IFI16: variants seen among roughly 807,000 people sequenced by gnomAD.
The protein encoded by IFI16 is gamma-interferon-inducible protein 16.
Under a neutral mutation model 68.4 loss-of-function variants are expected in IFI16, and 49 were observed. The observed-to-expected ratio is 0.72, with a 90% confidence interval of 0.57 to 0.91. IFI16 has a LOEUF of 0.91. Ranked by LOEUF, IFI16 falls within the 40% of genes least tolerant of loss-of-function variation. IFI16 has a pLI of 0.00. For synonymous variants in IFI16, 307 were observed against 315.0 expected (o/e 0.97, Z 0.27); for missense variants, 878 against 942.9 (o/e 0.93, Z 0.90).
At chr1:159,022,045 G>A (rs1653362923) in intron 6 of IFI16, among the ~76,000 whole-genome samples, 1 of 136,994 alleles carries the variant, frequency 7.3e-6, no homozygotes, top group Non-Finnish European at 1.5e-5. Context: ...CTTACTGCAA[G>A]CTCCGCCTCC....
At chr1:159,007,916 G>A (rs1371483237), upstream of IFI16, among the ~76,000 whole-genome samples, 1 of 152,194 alleles carries the variant, frequency 6.6e-6, no homozygotes, top group Admixed American at 6.5e-5. Flanking sequence ...AGTGAACAAT[G>A]CATATGCCAC....
rs75193704 is a variant in IFI16, at chr1:159,029,865, A to G, written c.1162-2659A>G. ...CCAGCTAATTTTTTGTATTTTTAGT[A>G]GAGCCAGGGTTTCACTATGTTGGCC... On this transcript the variant is annotated intron_variant, in intron 6 of 11. Coordinates refer to ENST00000295809, the MANE Select transcript of IFI16 (RefSeq NM_001376587.1). 4.9e-4 allele frequency among the ~76,000 whole-genome samples: 75 copies of G among 152,138 alleles called. 1 individual carries two copies. In the East Asian group the frequency reaches 0.014, roughly 29 times the overall value.
intron 7 of IFI16, among the ~76,000 whole-genome samples, chr1:159,040,354 T>A (rs1388726699): frequency 2.0e-5 from 3 of 152,226 alleles, no homozygotes; most frequent in African/African-American, 4.8e-5. Context: ...TTTAGAGCTA[T>A]TCATCATGAT....
rs1172481404 is a variant in IFI16 at position 159,020,398 on chromosome 1, G to T, written c.1030G>T (p.Asp344Tyr). The change falls in exon 6 of 12, where the codon GAT becomes TAT. Residue 344 changes from aspartate (D) to tyrosine (Y), a missense_variant. Asp to Tyr is a radical substitution (Grantham distance 160). This residue lies in a region of IFI16 where 443 missense variants were observed against 421.8 expected (regional missense o/e 1.05). Coordinates refer to ENST00000295809, the MANE Select transcript of IFI16 (RefSeq NM_001376587.1). Reference sequence around the variant, plus strand: ...AATTCAGGATGATAGAGGAAAAATGGATGTAGTGGGGACAGGACAATGTCA... The same window carrying T: ...AATTCAGGATGATAGAGGAAAAATGTATGTAGTGGGGACAGGACAATGTCA... ...YEIQDDRGKM[D>Y]VVGTGQCHNI... 1 of 1,612,842 alleles carries T rather than the reference G, an allele frequency of 6.2e-7. No homozygotes were observed. Among genetic ancestry groups the T allele is most frequent in the African/African-American group, 1.3e-5 (1 of 74,846 alleles).
chr1:159,011,589 AAAT>A (rs1426256496), intron 1 of IFI16, among the ~76,000 whole-genome samples: 8 of 152,090 alleles, frequency 5.3e-5, no homozygotes, highest in African/African-American at 1.9e-4. Flanking sequence ...AAGCACTATA[AAAT>A]AATAAATAAT....
chr1:159,022,155 G>A (rs983975987), intron 6 of IFI16, among the ~76,000 whole-genome samples: 10 of 151,952 alleles, frequency 6.6e-5, no homozygotes, highest in Admixed American at 1.3e-4. Context: ...TAGTAGAGAC[G>A]GGGTTTCACC....
rs752853831 is a variant in IFI16 at position 159,051,797 on chromosome 1, A to C, written c.1784A>C (p.Glu595Ala). ...ATESFVYEPK[E>A]QKKMFHATVA... ...GAATCATTTGTATATGAGCCCAAAG[A>C]GCAGAAGAAAATGTTTCATGCCACA... The change falls in exon 10 of 12, where the codon GAG becomes GCG. Residue 595 changes from glutamate to alanine, a missense_variant. Physicochemically the swap from Glu to Ala is moderately radical, Grantham distance 107. Transcript: ENST00000295809. 6.2e-7 allele frequency: 1 copy of C among 1,614,120 alleles called. No individual in the cohort carries two copies. Among genetic ancestry groups the C allele is most frequent in the East Asian group, 2.2e-5 (1 of 44,884 alleles).
upstream of IFI16, among the ~76,000 whole-genome samples, chr1:159,007,630 C>G (rs115412498): frequency 9.0e-3 from 1,367 of 152,044 alleles, 11 homozygotes; most frequent in Non-Finnish European, 0.015. Flanking sequence ...GAAAACGAGG[C>G]CTTTGGTGGG....
At chr1:159,023,052 TATAAC>T (rs1653434245) in intron 6 of IFI16, among the ~76,000 whole-genome samples, 1 of 152,166 alleles carries the variant, frequency 6.6e-6, no homozygotes, top group Non-Finnish European at 1.5e-5. Flanking sequence ...CAGGGAATAA[TATAAC>T]AGCCTACAAG....
At chr1:159,016,721 T>A in intron 4 of IFI16, 21 bp downstream of exon 4, 1 of 1,591,024 alleles carries the variant, frequency 6.3e-7, no homozygotes, top group Non-Finnish European at 8.6e-7. Context: ...CCTGGTCCCA[T>A]TTTGCTTTGT....
At chr1:159,028,451 A>G (rs1339517046) in intron 6 of IFI16, among the ~76,000 whole-genome samples, 1 of 151,854 alleles carries the variant, frequency 6.6e-6, no homozygotes, top group Non-Finnish European at 1.5e-5. Context: ...TATCTTGGAG[A>G]ATGTTCCATG....
intron 8 of IFI16, among the ~76,000 whole-genome samples, 155 bp downstream of exon 8, chr1:159,045,619 C>T (rs1321915699): frequency 6.6e-6 from 1 of 151,342 alleles, no homozygotes; most frequent in Non-Finnish European, 1.5e-5. Context: ...TTTTGAGGTC[C>T]TATCCAAAAT....
intron 7 of IFI16, among the ~76,000 whole-genome samples, chr1:159,038,772 G>C (rs995500680): frequency 6.6e-6 from 1 of 152,156 alleles, no homozygotes; most frequent in Non-Finnish European, 1.5e-5. Context: ...ACAGGTGCTG[G>C]GAATGCCCTA....
chr1:159,041,596 A>G (rs1654646214), intron 7 of IFI16, among the ~76,000 whole-genome samples: 1 of 152,186 alleles, frequency 6.6e-6, no homozygotes, highest in South Asian at 2.1e-4. Flanking sequence ...ATCACCAGGA[A>G]GAGTTATCTA....
intron 6 of IFI16, among the ~76,000 whole-genome samples, chr1:159,029,687 T>G (rs1653884093): frequency 1.3e-5 from 2 of 151,676 alleles, no homozygotes; most frequent in Admixed American, 6.6e-5. Flanking sequence ...CAGTTTTTTT[T>G]TTTTTTTTTT....
At chr1:159,011,605 CATTAGATAA>C (rs1281177096) in intron 1 of IFI16, among the ~76,000 whole-genome samples, 38 of 151,642 alleles carry the variant, frequency 2.5e-4, no homozygotes, top group Admixed American at 2.5e-3. Flanking sequence ...TAAATAATAT[CATTAGATAA>C]ATTAGATAAA....
rs368727269 is a variant in IFI16, at chr1:159,016,705, A to G, written c.549+5A>G. 4 of 1,608,926 alleles carry G rather than the reference A, an allele frequency of 2.5e-6. No individual in the cohort carries two copies. Among genetic ancestry groups the G allele is most frequent in the South Asian group, 1.1e-5 (1 of 90,212 alleles). The stretch of plus-strand genomic sequence containing the variant: ...CCCAACAGTTCTTCAACTGAGGTAC[A>G]CTCTTCCTGGTCCCATTTTGCTTTG... On this transcript the variant is annotated splice_donor_5th_base_variant and intron_variant, in intron 4 of 11. Coordinates refer to ENST00000295809, the MANE Select transcript of IFI16 (RefSeq NM_001376587.1).
chr1:159,052,973 A>C (rs1384320373), intron 10 of IFI16: 1 of 152,446 alleles, frequency 6.6e-6, no homozygotes, highest in East Asian at 1.9e-4. Flanking sequence ...GTGGTTGTAG[A>C]GTTAATGAAT....
chr1:159,043,364 AC>A (rs1227244451), intron 7 of IFI16, among the ~76,000 whole-genome samples: 1 of 152,236 alleles, frequency 6.6e-6, no homozygotes, highest in Non-Finnish European at 1.5e-5. Context: ...ACTTTCTAAG[AC>A]CTTGCCTGCC....
Sources: allele counts gnomAD v4.1 joint callset (sites outside exome capture counted in the v4.1 genomes callset), GRCh38; gene constraint gnomAD v4.1.1; regional missense constraint gnomAD v4.1.1; transcripts MANE v1.5; gene names NCBI Gene and HGNC (gene_info 2026-07-23, HGNC 2026-07-21).